The following NRBF2 variants were observed in gnomAD, a reference collection of about 807,000 sequenced individuals.
The protein encoded by NRBF2 is nuclear receptor binding factor 2, also known as nuclear receptor-binding factor 2.
Under a neutral mutation model 28.5 loss-of-function variants are expected in NRBF2, and 12 were observed. That is an observed-to-expected ratio of 0.42 (90% confidence interval 0.27 to 0.68). The LOEUF (loss-of-function observed/expected upper bound fraction) is 0.68, where lower values mean the gene tolerates loss of function less well. Ranked by LOEUF, NRBF2 falls within the 30% of genes least tolerant of loss-of-function variation. NRBF2 has a pLI of 0.24. For missense variants in NRBF2, 274 were observed against 333.5 expected, an observed-to-expected ratio of 0.82 and a Z score of 1.39; for synonymous variants, 102 against 116.5, an observed-to-expected ratio of 0.88 and a Z score of 0.80.
chr10:63,150,274 A>G (rs1008593592), intron 2 of NRBF2: 5 of 587,134 alleles, frequency 8.5e-6, no homozygotes, highest in Non-Finnish European at 8.6e-6. Context: ...TTAAACATGA[A>G]CAAAAGGAAA....
intron 1 of NRBF2, among the ~76,000 whole-genome samples, chr10:63,145,988 A>C (rs539085446): frequency 6.6e-6 from 1 of 152,318 alleles, no homozygotes; most frequent in East Asian, 1.9e-4. Context: ...TAACCTTGAG[A>C]GGGCTTATGG....
intron 1 of NRBF2, among the ~76,000 whole-genome samples, chr10:63,140,396 C>G (rs373331445): frequency 5.3e-4 from 81 of 152,234 alleles, no homozygotes; most frequent in African/African-American, 1.9e-3. Context: ...TTTGAATTAC[C>G]AGAGAAACAT....
intron 2 of NRBF2, among the ~76,000 whole-genome samples, chr10:63,147,611 C>CTT (rs56136949): frequency 0.011 from 1,517 of 134,106 alleles, 13 homozygotes; most frequent in African/African-American, 0.019. Flanking sequence ...TGCTCTCAGC[C>CTT]TTTTTTTTTT....
At chr10:63,140,998 C>T (rs1162820803) in intron 1 of NRBF2, among the ~76,000 whole-genome samples, 2 of 152,188 alleles carry the variant, frequency 1.3e-5, no homozygotes, top group Admixed American at 6.6e-5. Flanking sequence ...CGCTCCTGGC[C>T]TCAGCCTAGT....
intron 2 of NRBF2, among the ~76,000 whole-genome samples, chr10:63,150,985 T>A (rs1338619493): frequency 6.6e-6 from 1 of 152,188 alleles, no homozygotes; most frequent in Non-Finnish European, 1.5e-5. Flanking sequence ...TAAATACAGA[T>A]GAAACTTCAC....
At chr10:63,153,265 G>T (rs1486038798) in intron 3 of NRBF2, among the ~76,000 whole-genome samples, 2 of 152,132 alleles carry the variant, frequency 1.3e-5, no homozygotes, top group African/African-American at 2.4e-5. Context: ...GTCTACAGAG[G>T]AAAGATTTCT....
chr10:63,138,580 TA>T (rs1371035800), intron 1 of NRBF2, among the ~76,000 whole-genome samples: 5 of 150,638 alleles, frequency 3.3e-5, no homozygotes, highest in African/African-American at 7.3e-5. Flanking sequence ...CCGTCTCTAC[TA>T]AAAATACAAA....
intron 1 of NRBF2, among the ~76,000 whole-genome samples, chr10:63,142,462 C>T (rs1173481634): frequency 6.6e-6 from 1 of 152,054 alleles, no homozygotes; most frequent in Non-Finnish European, 1.5e-5. Context: ...AGCCACCATG[C>T]CCGGCCTTTT....
chr10:63,133,479 A>G lies in NRBF2; in HGVS notation c.9A>G (p.Val3=). ME[V]MEGPLNLAHQ... ...CGCTTACCCCGGGGTCTATGGAAGTAATGGAAGGACCCCTCAACCTGGTGA... is the reference window on the plus strand; with the variant it reads ...CGCTTACCCCGGGGTCTATGGAAGTGATGGAAGGACCCCTCAACCTGGTGA... The change falls in exon 1 of 4, where the codon GTA becomes GTG. Residue 3 remains valine (V), a synonymous_variant. Coordinates refer to ENST00000277746, the MANE Select transcript of NRBF2 (RefSeq NM_030759.5). The G allele has an allele frequency of 6.2e-7, 1 of 1,611,170 alleles. No individual in the cohort carries two copies. Among genetic ancestry groups the G allele is most frequent in the Non-Finnish European group, 8.5e-7 (1 of 1,178,442 alleles).
chr10:63,133,358 G>T lies in NRBF2; in HGVS notation c.-113G>T. On this transcript the variant is annotated 5_prime_UTR_variant, in exon 1 of 4. Transcript: ENST00000277746. The stretch of plus-strand genomic sequence containing the variant: ...TTCAGCGCCTATCGCTGGCTCTTGG[G>T]GCGCAGAGAGGGGCCGCAGTCTCCG... 1 of 1,261,944 alleles carries T rather than the reference G, an allele frequency of 7.9e-7. No individual in the cohort carries two copies. The allele number at this position is 1,261,944 out of a possible 1,614,324, so 78.2% of individuals were successfully genotyped here.
In NRBF2 at chr10:63,152,145, A is replaced by G. The variant is rs1423523365; in HGVS notation, c.116-5A>G. Reference sequence around the variant, plus strand: ...TATTAACATGCCTATTTTTTCTCTTAACAGCATATCTTTCTGAAGCCATGA... The same window carrying G: ...TATTAACATGCCTATTTTTTCTCTTGACAGCATATCTTTCTGAAGCCATGA... On this transcript the variant is annotated splice_polypyrimidine_tract_variant and splice_region_variant and intron_variant, in intron 2 of 3. Coordinates refer to ENST00000277746, the MANE Select transcript of NRBF2 (RefSeq NM_030759.5). The G allele has an allele frequency of 2.5e-6, 4 of 1,611,182 alleles. No homozygotes were observed. Among genetic ancestry groups the G allele is most frequent in the African/African-American group, 1.3e-5 (1 of 74,828 alleles).
At chr10:63,144,322 T>G (rs1165485128) in intron 1 of NRBF2, among the ~76,000 whole-genome samples, 4 of 152,188 alleles carry the variant, frequency 2.6e-5, no homozygotes, top group Admixed American at 2.6e-4. Context: ...TAAGTCGATT[T>G]GTATAGTATT....
chr10:63,135,948 C>T (rs1841370787), intron 1 of NRBF2, among the ~76,000 whole-genome samples: 1 of 152,028 alleles, frequency 6.6e-6, no homozygotes, highest in Admixed American at 6.5e-5. Context: ...CCGGCGGACA[C>T]CTTGAATTCT....
chr10:63,146,170 T>G (rs745618884), intron 1 of NRBF2, 39 bp from the exon 2 acceptor site: 1 of 1,517,952 alleles, frequency 6.6e-7, no homozygotes, highest in Admixed American at 1.7e-5. Flanking sequence ...CATGTTTTAT[T>G]TTATGATCCA....
chr10:63,140,832 C>A (rs1291225652), intron 1 of NRBF2, among the ~76,000 whole-genome samples: 1 of 152,060 alleles, frequency 6.6e-6, no homozygotes, highest in African/African-American at 2.4e-5. Flanking sequence ...TCCCGAGTAG[C>A]TGGGACTACA....
chr10:63,135,530 TCTC>T (rs938291327), intron 1 of NRBF2, among the ~76,000 whole-genome samples: 5 of 152,074 alleles, frequency 3.3e-5, no homozygotes, highest in African/African-American at 9.7e-5. Context: ...CCATTTAAAT[TCTC>T]CTCCATAAAA....
chr10:63,140,111 C>A (rs1841439652), intron 1 of NRBF2, among the ~76,000 whole-genome samples: 1 of 152,038 alleles, frequency 6.6e-6, no homozygotes, highest in South Asian at 2.1e-4. Context: ...GCATTCCAGC[C>A]TCTGGGTGAC....
intron 1 of NRBF2, among the ~76,000 whole-genome samples, chr10:63,143,749 ATTTTT>A (rs35270148): frequency 8.6e-6 from 1 of 115,982 alleles, no homozygotes. Context: ...ACCATGCCCG[ATTTTT>A]TTTTTTTTTT....
At chr10:63,150,817 G>A (rs1415643032) in intron 2 of NRBF2, among the ~76,000 whole-genome samples, 4 of 152,308 alleles carry the variant, frequency 2.6e-5, no homozygotes, top group Non-Finnish European at 5.9e-5. Context: ...GGGAGACAGC[G>A]ACAGATCATC....
Sources: allele counts gnomAD v4.1 joint callset (sites outside exome capture counted in the v4.1 genomes callset), GRCh38; gene constraint gnomAD v4.1.1; transcripts MANE v1.5; gene names NCBI Gene and HGNC (gene_info 2026-07-23, HGNC 2026-07-21).